Variants in MAGI2 observed in about 807,000 individuals in gnomAD.
The protein encoded by MAGI2 is membrane associated guanylate kinase, WW and PDZ domain containing 2.
MAGI2 carries 35 observed loss-of-function variants against 133.3 expected under a neutral mutation model. The ratio of observed to expected loss-of-function variants is 0.26; its 90% CI spans 0.20 to 0.35. MAGI2 has a LOEUF of 0.35. MAGI2 is among the 10% of genes least tolerant of loss of function. MAGI2 has a pLI of 1.00. For synonymous variants in MAGI2, 729 were observed against 710.6 expected (o/e 1.03, Z -0.41); for missense variants, 1,636 against 1,863.4 (o/e 0.88, Z 2.25).
intron 16 of MAGI2, among the ~76,000 whole-genome samples, chr7:78,149,767 T>C (rs1194643591): frequency 6.6e-6 from 1 of 152,198 alleles, no homozygotes; most frequent in East Asian, 1.9e-4. Context: ...TGAACAGACT[T>C]ATAACAGAAG....
intron 1 of MAGI2, among the ~76,000 whole-genome samples, chr7:79,250,862 C>T (rs192699811): frequency 5.0e-4 from 76 of 152,166 alleles, no homozygotes; most frequent in African/African-American, 1.7e-3. Context: ...GCTATAGTAA[C>T]CAAGACAGTG....
intron 3 of MAGI2, among the ~76,000 whole-genome samples, chr7:78,563,018 G>GTAATT (rs1428173719): frequency 1.3e-5 from 2 of 150,182 alleles, no homozygotes; most frequent in African/African-American, 4.9e-5. Context: ...TTAATGAGTG[G>GTAATT]TCATTTGATT....
At chr7:79,124,791 A>G (rs7793056) in intron 1 of MAGI2, 115,684 of 162,282 alleles carry the variant, frequency 0.71, 43,055 homozygotes, top group Non-Finnish European at 0.83. Context: ...GGGTTGGGGG[A>G]GTTGAGCTTT....
chr7:79,360,739 A>T (rs9641582), intron 1 of MAGI2, among the ~76,000 whole-genome samples: 1 of 152,004 alleles, frequency 6.6e-6, no homozygotes, highest in African/African-American at 2.4e-5. Context: ...AAATAAATTG[A>T]GATTATATCC....
intron 2 of MAGI2, among the ~76,000 whole-genome samples, chr7:78,641,333 T>C (rs1185537527): frequency 6.6e-6 from 1 of 152,160 alleles, no homozygotes; most frequent in Non-Finnish European, 1.5e-5. Context: ...GTTCAGCAAA[T>C]TTCTAAAAGA....
intron 1 of MAGI2, among the ~76,000 whole-genome samples, chr7:79,361,825 A>G (rs1236906359): frequency 6.6e-6 from 1 of 152,186 alleles, no homozygotes; most frequent in Non-Finnish European, 1.5e-5. Context: ...TAAACAATAC[A>G]CCTCTAAATA....
At chr7:79,312,682 T>C (rs959857984) in intron 1 of MAGI2, among the ~76,000 whole-genome samples, 3 of 152,196 alleles carry the variant, frequency 2.0e-5, no homozygotes, top group Admixed American at 6.5e-5. Context: ...TATTAACTAC[T>C]GTGCTCCAGA....
chr7:79,125,230 T>C, intron 1 of MAGI2: 1 of 414,782 alleles, frequency 2.4e-6, no homozygotes, highest in Non-Finnish European at 4.6e-6. Context: ...CATTCAGAAA[T>C]ATACCATACT....
Position 79,132,042 on chromosome 7 carries a change from CA to C in MAGI2, c.302-124837del, listed in dbSNP as rs1820982137. Among the ~76,000 whole-genome samples the C allele has an allele frequency of 2.0e-5, 3 of 151,980 alleles. No homozygotes were observed. The South Asian group carries it at 6.2e-4, about 32-fold the overall frequency. On this transcript the variant is annotated intron_variant, in intron 1 of 21. Transcript: ENST00000354212. ...CCACAACAAAGTTACAAAATAAATA[CA>C]AATAATACTTTAAAACCCAATACAA...
At chr7:78,020,176 G>A (rs539746237) in intron 21 of MAGI2, among the ~76,000 whole-genome samples, 200 bp from the exon 22 acceptor site, 1 of 133,958 alleles carries the variant, frequency 7.5e-6, no homozygotes, top group African/African-American at 2.8e-5. Flanking sequence ...CCTCCGCCCC[G>A]CTTAGCCCCC....
At chr7:78,851,412 A>G (rs1010046412) in intron 2 of MAGI2, among the ~76,000 whole-genome samples, 4 of 151,976 alleles carry the variant, frequency 2.6e-5, no homozygotes, top group Non-Finnish European at 5.9e-5. Context: ...ACTGTCTCAG[A>G]CAGTGACATA....
chr7:79,323,118 C>A (rs1177296722), intron 1 of MAGI2, among the ~76,000 whole-genome samples: 2 of 152,064 alleles, frequency 1.3e-5, no homozygotes, highest in Non-Finnish European at 2.9e-5. Flanking sequence ...GATTGAGCCA[C>A]TGTGCCTGGC....
intron 2 of MAGI2, among the ~76,000 whole-genome samples, chr7:78,745,214 T>C (rs1166675321): frequency 6.6e-6 from 1 of 152,196 alleles, no homozygotes; most frequent in Admixed American, 6.5e-5. Flanking sequence ...TCATTTTACA[T>C]ATAAAATAAG....
At chr7:78,983,527 G>A (rs1203488505) in intron 2 of MAGI2, among the ~76,000 whole-genome samples, 1 of 151,784 alleles carries the variant, frequency 6.6e-6, no homozygotes, top group Non-Finnish European at 1.5e-5. Context: ...GATAGGTTGG[G>A]AGTACAGAGT....
intron 1 of MAGI2, among the ~76,000 whole-genome samples, chr7:79,024,605 C>A (rs111405785): frequency 1.3e-5 from 2 of 152,024 alleles, no homozygotes; most frequent in Non-Finnish European, 2.9e-5. Flanking sequence ...GCAAACTATA[C>A]AACCAACAAA....
rs1267709370 is a variant in MAGI2, at chr7:78,256,392, G to A, written c.1598C>T (p.Pro533Leu). The change falls in exon 10 of 22, where the codon CCA becomes CTA. Residue 533 changes from proline to leucine, a missense_variant. Physicochemically the swap from Pro to Leu is moderately conservative, Grantham distance 98. Around this residue, in one of 5 missense-constraint regions of MAGI2, gnomAD observed 920 missense variants for 1,093.5 expected, o/e 0.84. Transcript: ENST00000354212. ...TCTTCCATTGACCATCACTGGAGGTGGCCTCTCCATTATTGCAAGGGGTGG... is the reference window on the plus strand; with the variant it reads ...TCTTCCATTGACCATCACTGGAGGTAGCCTCTCCATTATTGCAAGGGGTGG... ...MVPPLAIMER[P>L]PPVMVNGRHN... The A allele has an allele frequency of 1.2e-6, 2 of 1,613,756 alleles. No individual in the cohort carries two copies. The highest frequency in any genetic ancestry group is 8.5e-7 in the Non-Finnish European group (1 of 1,179,970).
rs575710877 is a variant in MAGI2 at position 79,144,154 on chromosome 7, C to A, written c.302-136948G>T. On this transcript the variant is annotated intron_variant, in intron 1 of 21. Transcript: ENST00000354212. ...TTCATAAATGTAGGCAAAGTACCCA[C>A]AGCAGTGCTAGGCACATAAGAGGCA... Among the ~76,000 whole-genome samples, 17 of 152,292 alleles carry A rather than the reference C, an allele frequency of 1.1e-4. No individual in the cohort carries two copies. In the South Asian group the frequency reaches 1.7e-3, roughly 15 times the overall value.
rs570425394 is a variant in MAGI2, at chr7:79,330,009, A to G, written c.301+123011T>C. On this transcript the variant is annotated intron_variant, in intron 1 of 21. Coordinates refer to ENST00000354212, the MANE Select transcript of MAGI2 (RefSeq NM_012301.4). The stretch of plus-strand genomic sequence containing the variant: ...TTGATTTTAAAAATATCCAAAACTA[A>G]TAAAGCACCACCCTAATAGATGGGC... Among the ~76,000 whole-genome samples the G allele has an allele frequency of 8.5e-5, 13 of 152,176 alleles. 1 individual carries two copies. The highest frequency in any genetic ancestry group is 2.4e-4 in the African/African-American group (10 of 41,538).
intron 1 of MAGI2, among the ~76,000 whole-genome samples, chr7:79,263,750 T>C (rs1016830991): frequency 6.6e-6 from 1 of 152,150 alleles, no homozygotes; most frequent in African/African-American, 2.4e-5. Context: ...TTCTTTTTCA[T>C]TGACACCCTG....
Sources: gnomAD v4.1 joint callset for allele counts (sites outside exome capture counted in the v4.1 genomes callset) on GRCh38, gnomAD v4.1.1 for gene constraint, gnomAD v4.1.1 regional missense constraint, MANE v1.5 for transcripts, NCBI Gene and HGNC (gene_info 2026-07-23, HGNC 2026-07-21) for gene names.